RASA2: variants seen among roughly 807,000 people sequenced by gnomAD.
RASA2 encodes ras GTPase-activating protein 2.
Under a neutral mutation model 118.2 loss-of-function variants are expected in RASA2, and 155 were observed. That is an observed-to-expected ratio of 1.31 (90% CI 1.15 to 1.50). The LOEUF (loss-of-function observed/expected upper bound fraction) is 1.50. RASA2 is among the 40% of genes most tolerant of loss of function. RASA2 has a pLI of 0.00. For missense variants in RASA2, 1,016 were observed against 1,009.6 expected (o/e 1.01, Z -0.09); for synonymous variants, 353 against 349.1 (o/e 1.01, Z -0.12).
At chr3:141,582,645 G>C (rs568149766) in intron 17 of RASA2, among the ~76,000 whole-genome samples, 2 of 152,264 alleles carry the variant, frequency 1.3e-5, no homozygotes, top group East Asian at 3.9e-4. Context: ...TATCGCCATA[G>C]TGTGCCTCTG....
intron 3 of RASA2, among the ~76,000 whole-genome samples, chr3:141,518,874 A>G (rs2082070291): frequency 6.6e-6 from 1 of 152,094 alleles, no homozygotes; most frequent in Non-Finnish European, 1.5e-5. Context: ...TTCCTTTTCA[A>G]TTAATACCAT....
At chr3:141,522,755 C>G (rs1008081015) in intron 3 of RASA2, among the ~76,000 whole-genome samples, 6 of 152,168 alleles carry the variant, frequency 3.9e-5, no homozygotes, top group African/African-American at 7.2e-5. Context: ...CCGTACACTT[C>G]ACGCTCAAGA....
intron 15 of RASA2, among the ~76,000 whole-genome samples, chr3:141,578,291 G>C (rs2083044930): frequency 6.6e-6 from 1 of 152,182 alleles, no homozygotes; most frequent in South Asian, 2.1e-4. Flanking sequence ...TTTATCATCT[G>C]TGAGCTTAAT....
intron 19 of RASA2, among the ~76,000 whole-genome samples, chr3:141,604,988 A>G (rs1320880542): frequency 1.3e-5 from 2 of 152,052 alleles, no homozygotes; most frequent in Admixed American, 6.6e-5. Context: ...CTCTTGAATG[A>G]TAGTTCAATG....
chr3:141,576,891 C>T (rs2083020287), intron 14 of RASA2, 109 bp from the exon 15 acceptor site: 5 of 592,326 alleles, frequency 8.4e-6, no homozygotes, highest in Middle Eastern at 3.2e-4. Flanking sequence ...TCTTACTAGA[C>T]AAATTATGTT....
At chr3:141,572,331 A>G (rs1224916800) in intron 11 of RASA2, among the ~76,000 whole-genome samples, 2 of 152,046 alleles carry the variant, frequency 1.3e-5, no homozygotes, top group Admixed American at 1.3e-4. Context: ...ACTTCAAGCG[A>G]TCCACCTGCT....
intron 5 of RASA2, among the ~76,000 whole-genome samples, chr3:141,551,166 A>G (rs1034999974): frequency 6.6e-6 from 1 of 152,146 alleles, no homozygotes; most frequent in Non-Finnish European, 1.5e-5. Flanking sequence ...TGGATATTTT[A>G]ATATTTCTAT....
intron 1 of RASA2, among the ~76,000 whole-genome samples, chr3:141,508,815 A>AT (rs199828343): frequency 0.016 from 2,272 of 143,662 alleles, 26 homozygotes; most frequent in African/African-American, 0.033. Context: ...TTGGCAATGG[A>AT]TTTTTTTTTT....
rs1346023175 is a variant in RASA2, at chr3:141,512,176, T to C, written c.147T>C (p.Asn49=). Residue 49 remains asparagine, a synonymous_variant, in exon 2 of 24, where the codon AAT becomes AAC. Transcript: ENST00000286364. ...SLRGKICEAK[N]LLPYLGPHKM... is the part of the protein sequence containing the mutation. ...TTATGCCAACAGGTGAAGCAAAAAA[T>C]TTATTGCCATATCTTGGACCCCACA... is the stretch of plus-strand genomic sequence containing the variant. 9 of 1,607,154 alleles carry C rather than the reference T, an allele frequency of 5.6e-6. No homozygotes were observed. The highest frequency in any genetic ancestry group is 7.6e-6 in the Non-Finnish European group (9 of 1,177,638).
At chr3:141,580,085 A>AAT (rs1207351331) in intron 15 of RASA2, among the ~76,000 whole-genome samples, 2,390 of 59,454 alleles carry the variant, frequency 0.04, 79 homozygotes, top group Middle Eastern at 0.061. Flanking sequence ...AAAAAAAAAA[A>AAT]ATATATATAT....
chr3:141,570,250 C>A (rs1387772210), intron 9 of RASA2, among the ~76,000 whole-genome samples: 1 of 150,982 alleles, frequency 6.6e-6, no homozygotes, highest in South Asian at 2.1e-4. Flanking sequence ...CTTGCTCTGT[C>A]ATCCAGGCAA....
chr3:141,528,601 G>A (rs1448106771), intron 3 of RASA2, among the ~76,000 whole-genome samples: 1 of 151,700 alleles, frequency 6.6e-6, no homozygotes, highest in Non-Finnish European at 1.5e-5. Flanking sequence ...ATTAAAAAAA[G>A]TGTATGGTGT....
chr3:141,602,031 A>G (rs755262047), intron 19 of RASA2, among the ~76,000 whole-genome samples: 62 of 152,216 alleles, frequency 4.1e-4, no homozygotes, highest in Admixed American at 3.8e-3. Context: ...TGCTATTAGT[A>G]TATTTTTATT....
rs1275008818 is a variant in RASA2, at chr3:141,586,674, A to G, written c.1855A>G (p.Thr619Ala). 6.2e-7 allele frequency: 1 copy of G among 1,613,202 alleles called. No homozygotes were observed. Among genetic ancestry groups the G allele is most frequent in the Admixed American group, 1.7e-5 (1 of 59,994 alleles). The change falls in exon 19 of 24, where the codon ACT (threonine) becomes GCT (alanine). Residue 619 changes from threonine to alanine, a missense_variant. Transcript: ENST00000286364. ...GEMYKRAQGR[T>A]RIGKKNFKKR... The stretch of plus-strand genomic sequence containing the variant: ...GATGTATAAAAGAGCTCAAGGAAGA[A>G]CTCGGATTGGAAAAAAGAATTTTAA...
chr3:141,599,481 C>T (rs1560061324), intron 19 of RASA2, among the ~76,000 whole-genome samples: 1 of 152,048 alleles, frequency 6.6e-6, no homozygotes, highest in East Asian at 1.9e-4. Flanking sequence ...TTTGTTTCCC[C>T]TTTCTAGTGT....
intron 1 of RASA2, among the ~76,000 whole-genome samples, chr3:141,501,622 T>G (rs2081782909): frequency 6.6e-6 from 1 of 152,226 alleles, no homozygotes; most frequent in Non-Finnish European, 1.5e-5. Flanking sequence ...CTTGCTATAC[T>G]ATACTAGTAC....
In RASA2 at chr3:141,496,683, G is replaced by A. The variant is rs1413251792; in HGVS notation, c.133+9467G>A. The stretch of plus-strand genomic sequence containing the variant: ...GGAAACAACAGGTGCTGGAGAGGAT[G>A]TGGAGAAATAGGAACACTTTTACAC... On this transcript the variant is annotated intron_variant, in intron 1 of 23. Coordinates refer to ENST00000286364, the MANE Select transcript of RASA2 (RefSeq NM_006506.5). Among the ~76,000 whole-genome samples, 3 of 152,212 alleles carry A rather than the reference G, an allele frequency of 2.0e-5. No homozygotes were observed. In the South Asian group the frequency reaches 6.2e-4, roughly 32 times the overall value.
chr3:141,556,953 G>T (rs1379563003), intron 7 of RASA2, among the ~76,000 whole-genome samples: 2 of 152,122 alleles, frequency 1.3e-5, no homozygotes, highest in African/African-American at 4.8e-5. Context: ...CCTGGCTAAG[G>T]ACTTGGTGCA....
At chr3:141,547,648 G>GAT (rs2082505414) in intron 5 of RASA2, among the ~76,000 whole-genome samples, 1 of 152,120 alleles carries the variant, frequency 6.6e-6, no homozygotes, top group Non-Finnish European at 1.5e-5. Flanking sequence ...TGTGAACAAG[G>GAT]ATGATTTTAC....
Sources: allele counts gnomAD v4.1 joint callset (sites outside exome capture counted in the v4.1 genomes callset), GRCh38; gene constraint gnomAD v4.1.1; transcripts MANE v1.5; gene names NCBI Gene and HGNC (gene_info 2026-07-23, HGNC 2026-07-21).